The following CDH17 variants were observed in gnomAD, a reference collection of about 807,000 sequenced individuals.
CDH17 encodes the protein cadherin-17.
In CDH17, 67 loss-of-function variants were observed where a neutral mutation model predicts 86.3. The observed-to-expected ratio is 0.78, with a 90% CI of 0.64 to 0.95. The LOEUF (loss-of-function observed/expected upper bound fraction) is 0.95. Ranked by LOEUF, CDH17 falls within the 40% of genes least tolerant of loss-of-function variation. CDH17 has a pLI of 0.00. For synonymous variants in CDH17, 367 were observed against 366.4 expected (o/e 1.00, Z -0.02); for missense variants, 993 against 1,017.6 (o/e 0.98, Z 0.33).
intron 1 of CDH17, among the ~76,000 whole-genome samples, chr8:94,216,465 C>T (rs1387881971): frequency 6.6e-6 from 1 of 152,068 alleles, no homozygotes; most frequent in East Asian, 1.9e-4. Context: ...GCGGAGGACC[C>T]TCACTTCCTT....
chr8:94,217,224 G>C (rs111538109), exon 1 of CDH17: 5 of 139,270 alleles, frequency 3.6e-5, no homozygotes. Flanking sequence ...TCAGACAAGC[G>C]GGGGTGGGGG....
intron 15 of CDH17, among the ~76,000 whole-genome samples, chr8:94,135,111 G>GTT (rs1479070723): frequency 6.6e-6 from 1 of 152,104 alleles, no homozygotes; most frequent in East Asian, 1.9e-4. Flanking sequence ...AGTGCTATGT[G>GTT]GCACTGAGAA....
At chr8:94,192,089 G>C (rs1813701038) in intron 2 of CDH17, among the ~76,000 whole-genome samples, 1 of 152,222 alleles carries the variant, frequency 6.6e-6, no homozygotes, top group Non-Finnish European at 1.5e-5. Flanking sequence ...ATTCCAACAA[G>C]GACAAGCTGG....
intron 9 of CDH17, among the ~76,000 whole-genome samples, chr8:94,167,046 CAA>C (rs966457907): frequency 2.0e-5 from 3 of 152,162 alleles, no homozygotes; most frequent in Non-Finnish European, 2.9e-5. Context: ...TATCACTAAA[CAA>C]AGAGAAGCCA....
At chr8:94,147,805 A>T (rs986101873) in intron 14 of CDH17, among the ~76,000 whole-genome samples, 23 of 152,184 alleles carry the variant, frequency 1.5e-4, no homozygotes, top group African/African-American at 5.6e-4. Context: ...AGATACAAAG[A>T]TTACACAGGA....
intron 1 of CDH17, among the ~76,000 whole-genome samples, chr8:94,206,996 C>A (rs1467204886): frequency 2.0e-5 from 3 of 152,120 alleles, no homozygotes; most frequent in African/African-American, 7.2e-5. Context: ...ATGTAACCTT[C>A]ACCTTGAACA....
intron 15 of CDH17, among the ~76,000 whole-genome samples, chr8:94,135,164 G>A (rs992617654): frequency 6.6e-6 from 1 of 152,152 alleles, no homozygotes; most frequent in Admixed American, 6.5e-5. Flanking sequence ...TTCTGTAGAT[G>A]TCTATTAGGT....
intron 3 of CDH17, among the ~76,000 whole-genome samples, chr8:94,182,593 C>G (rs1044258682): frequency 6.6e-6 from 1 of 152,034 alleles, no homozygotes. Flanking sequence ...ACTCAACACA[C>G]CAGGAATAGA....
intron 1 of CDH17, among the ~76,000 whole-genome samples, chr8:94,215,510 G>A (rs1213328005): frequency 6.6e-6 from 1 of 152,182 alleles, no homozygotes; most frequent in Non-Finnish European, 1.5e-5. Context: ...ATTTAGAGCT[G>A]AGAGCTAAAA....
upstream of CDH17, among the ~76,000 whole-genome samples, chr8:94,211,463 C>G (rs1166070368): frequency 2.0e-5 from 3 of 152,134 alleles, no homozygotes; most frequent in East Asian, 3.8e-4. Flanking sequence ...AGGTGCCCAC[C>G]ACCACACCCG....
intron 10 of CDH17, 29 bp downstream of exon 10, chr8:94,165,732 G>T: frequency 7.1e-7 from 1 of 1,401,298 alleles, no homozygotes. Flanking sequence ...ACAATGATTT[G>T]CACTCAAGAC....
Position 94,196,216 on chromosome 8 carries a change from A to C in CDH17, c.-20-1511T>G, listed in dbSNP as rs1180862899. Among the ~76,000 whole-genome samples, 7 of 152,202 alleles carry C rather than the reference A, an allele frequency of 4.6e-5. No individual in the cohort carries two copies. In the South Asian group the frequency reaches 1.4e-3, roughly 32 times the overall value. On this transcript the variant is annotated intron_variant, in intron 1 of 17. Transcript: ENST00000027335. ...TCACTAATATCACCAGCATGGAAAA[A>C]ATTTCACTAACATTTTAACCACTCT... is the stretch of plus-strand genomic sequence containing the variant.
At chr8:94,158,125 C>T (rs932291009) in intron 12 of CDH17, among the ~76,000 whole-genome samples, 12 of 152,064 alleles carry the variant, frequency 7.9e-5, no homozygotes, top group African/African-American at 2.7e-4. Context: ...AGCACAGGTT[C>T]GATGATCACT....
chr8:94,136,594 T>C (rs914807079), intron 15 of CDH17, among the ~76,000 whole-genome samples: 7 of 152,204 alleles, frequency 4.6e-5, no homozygotes, highest in Non-Finnish European at 8.8e-5. Context: ...ATGTGCTCCT[T>C]TAGCTCAGAG....
chr8:94,217,039 CAAAT>C (rs1306074073), intron 1 of CDH17, among the ~76,000 whole-genome samples: 1 of 152,168 alleles, frequency 6.6e-6, no homozygotes, highest in East Asian at 1.9e-4. Flanking sequence ...TACTACTTTA[CAAAT>C]AAATAAATAC....
At position 94,177,507 on chromosome 8, in the gene CDH17, G is replaced by C; in HGVS notation, c.285+80C>G. 2.1e-6 allele frequency: 3 copies of C among 1,451,406 alleles called. No homozygotes were observed. The East Asian group carries it at 6.8e-5, about 33-fold the overall frequency. The allele number at this position is 1,451,406 out of a possible 1,614,324, so 89.9% of individuals were successfully genotyped here. A position where few individuals can be genotyped will look rare whatever the true frequency, so the allele number is the denominator to read the frequency against. On this transcript the variant is annotated intron_variant, in intron 4 of 17. Coordinates refer to ENST00000027335, the MANE Select transcript of CDH17 (RefSeq NM_004063.4). The stretch of plus-strand genomic sequence containing the variant: ...CTGTAACTGGATTCTGTGCAAGGAA[G>C]GAAGGTGCCAGCCATACTTCCAGAA...
At chr8:94,151,744 A>G in intron 13 of CDH17, 124 bp downstream of exon 13, 1 of 1,302,016 alleles carries the variant, frequency 7.7e-7, no homozygotes, top group Non-Finnish European at 1.1e-6. Context: ...AACCAAAGCC[A>G]ATTTCATCAT....
In CDH17 at chr8:94,130,745, A is replaced by T. The variant is rs758176881; in HGVS notation, c.2285-6T>A. The stretch of plus-strand genomic sequence containing the variant: ...CACACAACTGCAGAATGTAACTGAA[A>T]AGCAGGACAGTATTTGGTAGGATAA... On this transcript the variant is annotated splice_region_variant and splice_polypyrimidine_tract_variant and intron_variant, in intron 16 of 17. Coordinates refer to ENST00000027335, the MANE Select transcript of CDH17 (RefSeq NM_004063.4). 1 of 1,608,660 alleles carries T rather than the reference A, an allele frequency of 6.2e-7. No homozygotes were observed. Among genetic ancestry groups the T allele is most frequent in the Non-Finnish European group, 8.5e-7 (1 of 1,174,996 alleles).
intron 15 of CDH17, among the ~76,000 whole-genome samples, chr8:94,131,354 C>T (rs1812411978): frequency 6.6e-6 from 1 of 152,136 alleles, no homozygotes. Context: ...TCATATTTTC[C>T]CCAACTGATC....
Sources: allele counts gnomAD v4.1 joint callset (sites outside exome capture counted in the v4.1 genomes callset), GRCh38; gene constraint gnomAD v4.1.1; transcripts MANE v1.5; gene names NCBI Gene and HGNC (gene_info 2026-07-23, HGNC 2026-07-21).